Variants in KIAA1549 observed in about 807,000 individuals in gnomAD.
KIAA1549 encodes the protein UPF0606 protein KIAA1549.
Under a neutral mutation model 156.4 loss-of-function variants are expected in KIAA1549, and 70 were observed. That is an observed-to-expected ratio of 0.45 (90% CI 0.37 to 0.55). KIAA1549 has a LOEUF of 0.55. Ranked by LOEUF, KIAA1549 falls within the 20% of genes least tolerant of loss-of-function variation. The pLI is 0.00. For missense variants in KIAA1549, 2,428 were observed against 2,540.9 expected (o/e 0.96, Z 0.96); for synonymous variants, 1,103 against 1,066.4 (o/e 1.03, Z -0.67).
intron 9 of KIAA1549, among the ~76,000 whole-genome samples, chr7:138,898,475 C>T (rs1403463346): frequency 1.3e-5 from 2 of 152,090 alleles, no homozygotes; most frequent in East Asian, 1.9e-4. Context: ...AGAAACAGGA[C>T]TGAAAAGGGG....
intron 1 of KIAA1549, among the ~76,000 whole-genome samples, chr7:138,925,923 T>C (rs1228278176): frequency 1.3e-5 from 2 of 150,618 alleles, no homozygotes; most frequent in Admixed American, 6.6e-5. Context: ...TACTAAAACT[T>C]ATGGGCAGGC....
At chr7:138,932,538 G>A (rs974943577) in intron 1 of KIAA1549, among the ~76,000 whole-genome samples, 1 of 152,210 alleles carries the variant, frequency 6.6e-6, no homozygotes, top group Non-Finnish European at 1.5e-5. Context: ...TTAAAAGCAT[G>A]GGAATGACAG....
chr7:138,913,774 G>A (rs984673366), intron 2 of KIAA1549, among the ~76,000 whole-genome samples: 14 of 152,000 alleles, frequency 9.2e-5, no homozygotes, highest in African/African-American at 2.4e-4. Flanking sequence ...AGCCAACTCC[G>A]CATGGCCCAC....
intron 11 of KIAA1549, among the ~76,000 whole-genome samples, chr7:138,880,899 A>G (rs1282182318): frequency 6.6e-6 from 1 of 152,188 alleles, no homozygotes; most frequent in African/African-American, 2.4e-5. Context: ...CCAGAGAAAA[A>G]CAAAGCAAAC....
intron 19 of KIAA1549, among the ~76,000 whole-genome samples, chr7:138,839,722 A>G (rs1809848656): frequency 6.9e-6 from 1 of 144,204 alleles, no homozygotes; most frequent in Admixed American, 6.9e-5. Flanking sequence ...TTTTAAATGT[A>G]GGTTTTAAAA....
At chr7:138,921,562 AC>A (rs1812563892) in intron 1 of KIAA1549, among the ~76,000 whole-genome samples, 1 of 152,122 alleles carries the variant, frequency 6.6e-6, no homozygotes, top group Admixed American at 6.5e-5. Flanking sequence ...TATACTGGTG[AC>A]CGTATAAAAG....
At chr7:138,892,421 T>C (rs753312836) in intron 10 of KIAA1549, among the ~76,000 whole-genome samples, 22 of 152,238 alleles carry the variant, frequency 1.4e-4, no homozygotes, top group Non-Finnish European at 2.4e-4. Flanking sequence ...AACAACACTC[T>C]TCAACAGAAC....
intron 1 of KIAA1549, among the ~76,000 whole-genome samples, chr7:138,947,175 TGA>T (rs1322572506): frequency 6.6e-6 from 1 of 152,220 alleles, no homozygotes; most frequent in Non-Finnish European, 1.5e-5. Context: ...AGTCCCATGT[TGA>T]CCAGCTGACC....
chr7:138,923,690 G>A (rs4451249), intron 1 of KIAA1549, among the ~76,000 whole-genome samples: 73,153 of 151,998 alleles, frequency 0.48, 20,215 homozygotes, highest in African/African-American at 0.77. Flanking sequence ...TAATTGGTGA[G>A]TTTACAAAAG....
intron 17 of KIAA1549, among the ~76,000 whole-genome samples, chr7:138,849,734 G>A (rs1810183710): frequency 6.6e-6 from 1 of 151,730 alleles, no homozygotes; most frequent in Non-Finnish European, 1.5e-5. Flanking sequence ...ACCCTCAAGT[G>A]GGCCCCAATG....
At chr7:138,893,378 A>C (rs1811595338) in intron 10 of KIAA1549, among the ~76,000 whole-genome samples, 1 of 151,200 alleles carries the variant, frequency 6.6e-6, no homozygotes, top group East Asian at 1.9e-4. Flanking sequence ...TAAGATAGGG[A>C]GTGGGGGGAG....
chr7:138,837,712 A>T lies in KIAA1549; in HGVS notation c.*194T>A. The stretch of plus-strand genomic sequence containing the variant: ...TTCAACTGAACCCAAGTGTTCAGAC[A>T]ATTGCCAGCCCAGTGAAAGGCTCAT... On this transcript the variant is annotated 3_prime_UTR_variant, in exon 20 of 20. Transcript: ENST00000422774. 1.6e-6 allele frequency: 1 copy of T among 620,154 alleles called. No homozygotes were observed. Among genetic ancestry groups the T allele is most frequent in the Non-Finnish European group, 2.8e-6 (1 of 361,642 alleles). 38.4% of individuals were successfully genotyped at this position (620,154 alleles called of 1,614,324 possible).
intron 1 of KIAA1549, among the ~76,000 whole-genome samples, chr7:138,955,517 T>G (rs1215273725): frequency 6.6e-6 from 1 of 152,162 alleles, no homozygotes; most frequent in Non-Finnish European, 1.5e-5. Flanking sequence ...GGTTCTATTT[T>G]GCAGGATGAA....
chr7:138,839,191 C>G (rs1448014016), intron 19 of KIAA1549, among the ~76,000 whole-genome samples: 1 of 152,084 alleles, frequency 6.6e-6, no homozygotes, highest in Non-Finnish European at 1.5e-5. Context: ...GTAAGAGCAT[C>G]CAGCCATGAA....
chr7:138,879,836 A>G (rs1473299807), intron 11 of KIAA1549, among the ~76,000 whole-genome samples, 183 bp from the exon 12 acceptor site: 1 of 152,228 alleles, frequency 6.6e-6, no homozygotes, highest in Non-Finnish European at 1.5e-5. Flanking sequence ...CACCTCCTGA[A>G]GACAGATTAA....
In KIAA1549 at chr7:138,877,270, G is replaced by C. The variant is rs1584723733; in HGVS notation, c.4345+2268C>G. On this transcript the variant is annotated intron_variant, in intron 12 of 19. Transcript: ENST00000422774. ...GCACTTTGGGAGGCCGAGGTGGGCA[G>C]ATCACATAAGGCCAGGAGTTCAAGA... Among the ~76,000 whole-genome samples the C allele has an allele frequency of 2.0e-5, 3 of 152,234 alleles. No homozygotes were observed. In the South Asian group the frequency reaches 6.2e-4, roughly 32 times the overall value.
chr7:138,852,269 T>G lies in KIAA1549; in HGVS notation c.5248A>C (p.Arg1750=). ...GGAGTCATTCCATAGTCTTCGTATC[T>G]CTGGAAGACATACAAAAGAACATGA... The part of the protein sequence containing the change: ...PAQTANNPCS[R]YEDYGMTPPT... The change falls in exon 17 of 20, where the codon AGA becomes CGA. Residue 1750 remains arginine (R), a splice_region_variant and synonymous_variant. Coordinates refer to ENST00000422774, the MANE Select transcript of KIAA1549 (RefSeq NM_001164665.2). 1 of 1,601,100 alleles carries G rather than the reference T, an allele frequency of 6.2e-7. No homozygotes were observed. Among genetic ancestry groups the G allele is most frequent in the Admixed American group, 1.7e-5 (1 of 58,802 alleles).
intron 17 of KIAA1549, 145 bp from the exon 18 acceptor site, chr7:138,844,619 T>C (rs1057049728): frequency 2.7e-6 from 2 of 750,362 alleles, no homozygotes; most frequent in Non-Finnish European, 3.9e-6. Flanking sequence ...GAAGAGATGT[T>C]TCTCCTGCTC....
chr7:138,834,697 T>A lies in KIAA1549; in HGVS notation c.*3209A>T. 4.3e-6 allele frequency: 1 copy of A among 232,698 alleles called. No individual in the cohort carries two copies. The highest frequency in any genetic ancestry group is 8.5e-6 in the Non-Finnish European group (1 of 117,694). 14.4% of individuals were successfully genotyped at this position (232,698 alleles called of 1,614,324 possible). ...GAGGAAACTGAGTCACACCGAGCTT[T>A]CGGTTTTGCTCATTACCCATGTGTG... On this transcript the variant is annotated 3_prime_UTR_variant, in exon 20 of 20. Transcript: ENST00000422774.
Sources: allele counts gnomAD v4.1 joint callset (sites outside exome capture counted in the v4.1 genomes callset), GRCh38; gene constraint gnomAD v4.1.1; transcripts MANE v1.5; gene names NCBI Gene and HGNC (gene_info 2026-07-23, HGNC 2026-07-21).